The following FHIP1A variants were observed in gnomAD, a reference collection of about 807,000 sequenced individuals.
The protein encoded by FHIP1A is FHF complex subunit HOOK-interacting protein 1A.
FHIP1A carries 61 observed loss-of-function variants against 88.6 expected under a neutral mutation model. That is an observed-to-expected ratio of 0.69 (90% CI 0.56 to 0.85). The LOEUF is 0.85. Ranked by LOEUF, FHIP1A falls within the 40% of genes least tolerant of loss-of-function variation. FHIP1A has a pLI of 0.00. For missense variants in FHIP1A, 1,154 were observed against 1,273.5 expected (o/e 0.91, Z 1.43); for synonymous variants, 478 against 496.0 (o/e 0.96, Z 0.48).
At chr4:151,533,151 G>C (rs1280760520) in intron 3 of FHIP1A, 2 of 152,240 alleles carry the variant, frequency 1.3e-5, no homozygotes, top group Non-Finnish European at 2.9e-5. Context: ...GTATATAAGG[G>C]AGTCAGTTTA....
At position 151,476,472 on chromosome 4, in the gene FHIP1A, C is replaced by G. The variant is rs994391108; in HGVS notation, c.-247-6052C>G. On this transcript the variant is annotated intron_variant, in intron 2 of 13. Coordinates refer to ENST00000435205, the MANE Select transcript of FHIP1A (RefSeq NM_001109977.3). ...ACCTATTATTGATTTTATAAAAACC[C>G]TTTAAAATATAATAGGAAAATACCC... Among the ~76,000 whole-genome samples the G allele has an allele frequency of 2.6e-5, 4 of 152,036 alleles. No individual in the cohort carries two copies. In the East Asian group the frequency reaches 7.7e-4, roughly 29 times the overall value.
intron 1 of FHIP1A, among the ~76,000 whole-genome samples, chr4:151,415,166 T>C (rs1297551903): frequency 6.6e-6 from 1 of 151,306 alleles, no homozygotes; most frequent in African/African-American, 2.4e-5. Flanking sequence ...ATGCATTGAA[T>C]AGATATAGTT....
intron 3 of FHIP1A, among the ~76,000 whole-genome samples, chr4:151,504,814 C>T (rs1730775217): frequency 6.6e-6 from 1 of 152,088 alleles, no homozygotes; most frequent in South Asian, 2.1e-4. Flanking sequence ...GAAGGGGTTT[C>T]ACCACGTTGG....
At chr4:151,558,236 A>G (rs930457135) in intron 3 of FHIP1A, among the ~76,000 whole-genome samples, 1 of 152,150 alleles carries the variant, frequency 6.6e-6, no homozygotes, top group Non-Finnish European at 1.5e-5. Flanking sequence ...AGAAAAGCCA[A>G]TTTTAGAGTT....
chr4:151,606,248 C>T (rs187153008), intron 7 of FHIP1A, among the ~76,000 whole-genome samples: 2 of 152,240 alleles, frequency 1.3e-5, no homozygotes, highest in South Asian at 2.1e-4. Context: ...GCAGACTTCC[C>T]GTTGGATTTT....
At chr4:151,419,602 T>TTTTTA (rs1733046038) in intron 1 of FHIP1A, among the ~76,000 whole-genome samples, 1 of 21,972 alleles carries the variant, frequency 4.6e-5, no homozygotes, top group Non-Finnish European at 9.4e-5. Flanking sequence ...TTTTTTTTTT[T>TTTTTA]ATTATACTCT....
chr4:151,496,817 C>T (rs1019587948), intron 3 of FHIP1A, among the ~76,000 whole-genome samples: 2 of 150,500 alleles, frequency 1.3e-5, no homozygotes, highest in African/African-American at 4.9e-5. Flanking sequence ...CCACTTTGTC[C>T]TCCCAAAGTG....
chr4:151,625,616 A>G (rs1454836204), intron 7 of FHIP1A, among the ~76,000 whole-genome samples: 1 of 152,078 alleles, frequency 6.6e-6, no homozygotes, highest in Non-Finnish European at 1.5e-5. Context: ...TGTGGGCATG[A>G]TGGCTGGGTT....
intron 3 of FHIP1A, among the ~76,000 whole-genome samples, chr4:151,488,501 A>G (rs1730165200): frequency 6.6e-6 from 1 of 152,178 alleles, no homozygotes; most frequent in African/African-American, 2.4e-5. Flanking sequence ...ATAATATTCC[A>G]TCATGTACAT....
intron 7 of FHIP1A, among the ~76,000 whole-genome samples, chr4:151,606,544 T>TG (rs1457737918): frequency 6.6e-6 from 1 of 152,244 alleles, no homozygotes; most frequent in Non-Finnish European, 1.5e-5. Context: ...GCACCATCTC[T>TG]GGGGTGAACC....
In FHIP1A at chr4:151,666,297, T is replaced by A. The variant is rs1737662694; in HGVS notation, c.*3543T>A. 6.6e-6 allele frequency among the ~76,000 whole-genome samples: 1 copy of A among 152,196 alleles called. No individual in the cohort carries two copies. The highest frequency in any genetic ancestry group is 1.5e-5 in the Non-Finnish European group (1 of 68,034). On this transcript the variant is annotated 3_prime_UTR_variant, in exon 14 of 14. Transcript: ENST00000435205. ...TGATTTTTCTTTACCATTAGATACC[T>A]CCTTTCCCTGGTATTTAGAGGAATT...
At chr4:151,588,807 T>C (rs1262160378) in intron 6 of FHIP1A, 33 bp from the exon 7 acceptor site, 1 of 1,310,830 alleles carries the variant, frequency 7.6e-7, no homozygotes, top group Non-Finnish European at 1.1e-6. Context: ...TTGAACTCTT[T>C]GCCTTTTTCA....
intron 3 of FHIP1A, among the ~76,000 whole-genome samples, chr4:151,534,366 A>G (rs988445880): frequency 1.3e-5 from 2 of 152,196 alleles, no homozygotes; most frequent in African/African-American, 2.4e-5. Flanking sequence ...TGGAGCTTCT[A>G]TTGTGTCACC....
At chr4:151,530,969 C>A (rs1560751793) in intron 3 of FHIP1A, among the ~76,000 whole-genome samples, 1 of 151,988 alleles carries the variant, frequency 6.6e-6, no homozygotes, top group South Asian at 2.1e-4. Flanking sequence ...GCTTCTTATT[C>A]CCAAAGTGGG....
intron 3 of FHIP1A, among the ~76,000 whole-genome samples, chr4:151,493,260 C>G (rs572971104): frequency 2.0e-5 from 3 of 152,082 alleles, no homozygotes; most frequent in Admixed American, 1.3e-4. Context: ...ATATGCAACC[C>G]TCCTATATTA....
chr4:151,604,056 G>T, intron 7 of FHIP1A, among the ~76,000 whole-genome samples: 1 of 152,164 alleles, frequency 6.6e-6, no homozygotes, highest in Admixed American at 6.5e-5. Flanking sequence ...CCCTGACTCC[G>T]TACCATTCTC....
At chr4:151,456,472 G>A (rs930470825) in intron 2 of FHIP1A, among the ~76,000 whole-genome samples, 1 of 152,060 alleles carries the variant, frequency 6.6e-6, no homozygotes, top group Non-Finnish European at 1.5e-5. Context: ...AAGCAAATAA[G>A]GAAAATCAGG....
At chr4:151,439,064 T>C (rs1728310470) in intron 1 of FHIP1A, among the ~76,000 whole-genome samples, 1 of 152,192 alleles carries the variant, frequency 6.6e-6, no homozygotes, top group South Asian at 2.1e-4. Flanking sequence ...AAGTTTTCTT[T>C]TATTTTAAAG....
Position 151,650,084 on chromosome 4 carries a change from C to T in FHIP1A, c.2043C>T (p.Asn681=), listed in dbSNP as rs1578862726. The change falls in exon 11 of 14, where the codon AAC becomes AAT. Residue 681 remains asparagine (N), a synonymous_variant. Transcript: ENST00000435205. Reference sequence around the variant, plus strand: ...AAGTTCAGAGTGTCCCCATCAACAACGGCCCCCTCCTCAGCACCCAGCCAG... The same window carrying T: ...AAGTTCAGAGTGTCCCCATCAACAATGGCCCCCTCCTCAGCACCCAGCCAG... ...QAEVQSVPIN[N]GPLLSTQPET... is the part of the protein sequence containing the mutation. The T allele has an allele frequency of 5.2e-6, 8 of 1,551,668 alleles. No homozygotes were observed. Among genetic ancestry groups the T allele is most frequent in the East Asian group, 2.4e-5 (1 of 40,908 alleles).
Sources: gnomAD v4.1 joint callset for allele counts (sites outside exome capture counted in the v4.1 genomes callset) on GRCh38, gnomAD v4.1.1 for gene constraint, MANE v1.5 for transcripts, NCBI Gene and HGNC (gene_info 2026-07-23, HGNC 2026-07-21) for gene names.